The following NRG1 variants were observed in gnomAD, a reference collection of about 807,000 sequenced individuals.
NRG1 encodes pro-neuregulin-1, membrane-bound isoform.
NRG1 carries 18 observed loss-of-function variants against 63.8 expected under a neutral mutation model. The observed-to-expected ratio is 0.28, with a 90% confidence interval of 0.19 to 0.42. NRG1 has a LOEUF of 0.42. Among genes scored for constraint, NRG1 ranks in the 10% least tolerant of loss-of-function variants. NRG1 has a pLI of 1.00. For missense variants in NRG1, 762 were observed against 814.7 expected, an observed-to-expected ratio of 0.94 and a Z score of 0.79; for synonymous variants, 302 against 301.3, an observed-to-expected ratio of 1.00 and a Z score of -0.02.
intron 1 of NRG1, among the ~76,000 whole-genome samples, chr8:32,415,014 A>G (rs1815662655): frequency 6.6e-6 from 1 of 152,164 alleles, no homozygotes. Context: ...TTTCAAAGTC[A>G]CATGTTAATT....
intron 1 of NRG1, among the ~76,000 whole-genome samples, chr8:32,533,134 T>C (rs1335335129): frequency 6.6e-6 from 1 of 152,010 alleles, no homozygotes; most frequent in Non-Finnish European, 1.5e-5. Context: ...CATGTTTTCC[T>C]GTGTATATAT....
intron 1 of NRG1, among the ~76,000 whole-genome samples, chr8:32,210,584 AC>A (rs1372506221): frequency 6.6e-6 from 1 of 152,198 alleles, no homozygotes; most frequent in African/African-American, 2.4e-5. Flanking sequence ...CCACGGTACA[AC>A]CAGCTCTGAG....
chr8:32,107,228 A>C (rs2131410408), intron 1 of NRG1, among the ~76,000 whole-genome samples: 1 of 152,290 alleles, frequency 6.6e-6, no homozygotes, highest in Non-Finnish European at 1.5e-5. Context: ...AAGAAAAAAA[A>C]AAATTCTGAA....
intron 1 of NRG1, among the ~76,000 whole-genome samples, chr8:32,593,710 G>C (rs555719367): frequency 6.6e-6 from 1 of 152,050 alleles, no homozygotes; most frequent in East Asian, 1.9e-4. Flanking sequence ...ATGATCTTAA[G>C]GAGTTAACAG....
rs567062499 is a variant in NRG1, at chr8:31,654,684, T to C, written c.37+15253T>C. Among the ~76,000 whole-genome samples the C allele has an allele frequency of 2.6e-5, 4 of 152,336 alleles. 1 individual carries two copies. The South Asian group carries it at 8.3e-4, about 32-fold the overall frequency. The stretch of plus-strand genomic sequence containing the variant: ...CTAGATGTGTGGCTTATGCCTGTAA[T>C]CACAGTGCTTTGGGAGGTTGAAGCA... On this transcript the variant is annotated intron_variant, in intron 1 of 10. Transcript: ENST00000519301.
At chr8:32,718,746 C>A (rs970859651) in intron 5 of NRG1, among the ~76,000 whole-genome samples, 1 of 152,120 alleles carries the variant, frequency 6.6e-6, no homozygotes, top group Non-Finnish European at 1.5e-5. Flanking sequence ...GGAATGCCAT[C>A]TTCTCCCACA....
intron 1 of NRG1, among the ~76,000 whole-genome samples, chr8:32,052,520 T>TCAAGTG: frequency 6.6e-6 from 1 of 151,884 alleles, no homozygotes; most frequent in South Asian, 2.1e-4. Context: ...GGCCTCAAGT[T>TCAAGTG]ATCCTCCCAC....
intron 7 of NRG1, among the ~76,000 whole-genome samples, chr8:32,744,874 T>G (rs7007436): frequency 0.39 from 59,962 of 152,082 alleles, 12,453 homozygotes; most frequent in African/African-American, 0.53. Context: ...ACCACTATGT[T>G]TTTGTGAAGT....
intron 1 of NRG1, among the ~76,000 whole-genome samples, chr8:31,798,881 A>G (rs536707627): frequency 6.6e-6 from 1 of 152,178 alleles, no homozygotes; most frequent in East Asian, 1.9e-4. Flanking sequence ...ATAAAGTGCC[A>G]CATCAGAATA....
At chr8:32,147,640 C>G (rs1456669220) in intron 1 of NRG1, among the ~76,000 whole-genome samples, 1 of 152,122 alleles carries the variant, frequency 6.6e-6, no homozygotes, top group African/African-American at 2.4e-5. Context: ...CTTTTTCATT[C>G]CTAAGTGTGT....
At chr8:32,482,409 T>TGTGTGTGTGC (rs1353660139) in intron 1 of NRG1, among the ~76,000 whole-genome samples, 2 of 151,718 alleles carry the variant, frequency 1.3e-5, no homozygotes, top group Non-Finnish European at 2.9e-5. Flanking sequence ...TGTGTGTGTG[T>TGTGTGTGTGC]GTGTGTGTGT....
chr8:32,667,112 G>A (rs141274845), intron 5 of NRG1, among the ~76,000 whole-genome samples: 98 of 152,246 alleles, frequency 6.4e-4, no homozygotes, highest in African/African-American at 2.2e-3. Context: ...ACACACCTAG[G>A]CTAATCGATA....
exon 2 of NRG1, chr8:32,595,836 C>G: frequency 1.2e-6 from 2 of 1,607,600 alleles, no homozygotes; most frequent in Non-Finnish European, 1.7e-6. Context: ...AGCCTTGCCT[C>G]CCCGATTGAA....
At chr8:32,290,368 G>C (rs1854050117) in intron 1 of NRG1, among the ~76,000 whole-genome samples, 1 of 151,978 alleles carries the variant, frequency 6.6e-6, no homozygotes, top group Non-Finnish European at 1.5e-5. Flanking sequence ...TATATAGAGA[G>C]AGGGTGTAAA....
Position 31,943,488 on chromosome 8 carries a change from T to G in NRG1, c.37+304057T>G, listed in dbSNP as rs73582449. 6.8e-3 allele frequency among the ~76,000 whole-genome samples: 1,035 copies of G among 151,954 alleles called. 9 individuals are homozygous for G. The highest frequency in any genetic ancestry group is 0.024 in the African/African-American group (996 of 41,436). ...ATTTCAGAAATCACTACTAAAAAACTTACTCATGTAACCAATCACCCCCTG... is the reference window on the plus strand; with the variant it reads ...ATTTCAGAAATCACTACTAAAAAACGTACTCATGTAACCAATCACCCCCTG... On this transcript the variant is annotated intron_variant, in intron 1 of 10. Transcript: ENST00000519301.
intron 1 of NRG1, among the ~76,000 whole-genome samples, chr8:32,449,853 T>C (rs931027814): frequency 8.5e-5 from 13 of 152,228 alleles, no homozygotes; most frequent in Admixed American, 5.9e-4. Flanking sequence ...ATGCCATTCA[T>C]GAAAGGGAAG....
chr8:32,237,619 C>T (rs1004651869), intron 1 of NRG1, among the ~76,000 whole-genome samples: 1 of 151,864 alleles, frequency 6.6e-6, no homozygotes, highest in Admixed American at 6.6e-5. Flanking sequence ...TTTCTGCTAC[C>T]GGAGGAGGAT....
chr8:32,513,119 CA>C (rs1829401610), intron 1 of NRG1, among the ~76,000 whole-genome samples: 1 of 151,682 alleles, frequency 6.6e-6, no homozygotes, highest in African/African-American at 2.4e-5. Flanking sequence ...CTCTATTCTG[CA>C]TAATAGTTTA....
chr8:31,748,127 T>C (rs930946489), intron 1 of NRG1, among the ~76,000 whole-genome samples: 2 of 152,030 alleles, frequency 1.3e-5, no homozygotes, highest in Non-Finnish European at 2.9e-5. Flanking sequence ...AATGATTTCC[T>C]ACTATTCCAG....
Sources: gnomAD v4.1 joint callset for allele counts (sites outside exome capture counted in the v4.1 genomes callset) on GRCh38, gnomAD v4.1.1 for gene constraint, MANE v1.5 for transcripts, NCBI Gene and HGNC (gene_info 2026-07-23, HGNC 2026-07-21) for gene names.